The following PCDHB12 variants were observed in gnomAD, a reference collection of about 807,000 sequenced individuals.
PCDHB12 encodes the protein protocadherin beta-12.
For synonymous variants in PCDHB12, 560 were observed against 445.2 expected (o/e 1.26, Z -3.24); for missense variants, 1,192 against 998.2 (o/e 1.19, Z -2.62).
Position 141,210,290 on chromosome 5 carries a change from C to G in PCDHB12, c.1383C>G (p.Arg461=), listed in dbSNP as rs762423655. Residue 461 remains arginine (R), a synonymous_variant, in exon 1 of 1, where the codon CGC becomes CGG. Coordinates refer to ENST00000239450, the MANE Select transcript of PCDHB12 (RefSeq NM_018932.4). ...AAACTTCCTACGCCCTGTTCGTCCG[C>G]GAGAACAACAGCCCCGCCCTGCACA... The part of the protein sequence containing the change: ...FTQTSYALFV[R]ENNSPALHIG... 1.3e-4 allele frequency: 202 copies of G among 1,613,720 alleles called. No homozygotes were observed. Among genetic ancestry groups the G allele is most frequent in the Non-Finnish European group, 1.6e-4 (183 of 1,180,046 alleles).
rs781933112 is a variant in PCDHB12, at chr5:141,211,049, C to T, written c.2142C>T (p.Cys714=). The T allele has an allele frequency of 6.0e-5, 97 of 1,612,912 alleles. No homozygotes were observed. The highest frequency in any genetic ancestry group is 2.9e-4 in the South Asian group (26 of 91,038). ...SVLLFVAVRL[C]RRSRAAPVGR... ...TCCTGTTCGTGGCGGTGCGGCTGTG[C>T]AGGAGGAGCAGGGCGGCCCCGGTCG... The change falls in exon 1 of 1, where the codon TGC becomes TGT. Residue 714 remains cysteine (C), a synonymous_variant. Transcript: ENST00000239450.
At position 141,209,808 on chromosome 5, in the gene PCDHB12, A is replaced by G. The variant is rs1754393516; in HGVS notation, c.901A>G (p.Ile301Val). Residue 301 changes from isoleucine to valine, a missense_variant, in exon 1 of 1, where the codon ATT (isoleucine) becomes GTT (valine). Transcript: ENST00000239450. The part of the protein sequence containing the change: ...TFEINQKSGD[I>V]TLTAPLDFEA... ...TGAAATTAATCAAAAGTCTGGTGAC[A>G]TTACTTTAACAGCACCTTTGGATTT... 6.2e-7 allele frequency: 1 copy of G among 1,614,240 alleles called. No individual in the cohort carries two copies. Among genetic ancestry groups the G allele is most frequent in the Admixed American group, 1.7e-5 (1 of 60,032 alleles).
rs200859015 is a variant in PCDHB12 at position 141,209,444 on chromosome 5, C to A, written c.537C>A (p.His179Gln). The stretch of plus-strand genomic sequence containing the variant: ...CAATAAATCCGAACTCTCATTTCCA[C>A]GTTAAAATAAGAGTCAATCCAGACA... ...SYTINPNSHF[H>Q]VKIRVNPDNR... The change falls in exon 1 of 1, where the codon CAC becomes CAA. Residue 179 changes from histidine to glutamine, a missense_variant. His to Gln is a conservative substitution (Grantham distance 24, BLOSUM62 0). Transcript: ENST00000239450. 3.1e-4 allele frequency: 503 copies of A among 1,614,054 alleles called. No homozygotes were observed. The highest frequency in any genetic ancestry group is 4.1e-4 in the Non-Finnish European group (487 of 1,180,042).
Position 141,210,082 on chromosome 5 carries a change from T to C in PCDHB12, c.1175T>C (p.Val392Ala), listed in dbSNP as rs782080716. 6.2e-7 allele frequency: 1 copy of C among 1,614,146 alleles called. No individual in the cohort carries two copies. The highest frequency in any genetic ancestry group is 1.7e-5 in the Admixed American group (1 of 60,020). ...TCTATCCCGGAGGACATCCCATTCG[T>C]GCTAAAATCTTCGGTAAATAATTAC... The part of the protein sequence containing the change: ...VCSIPEDIPF[V>A]LKSSVNNYYT... Residue 392 changes from valine (V) to alanine (A), a missense_variant, in exon 1 of 1, where the codon GTG becomes GCG. Transcript: ENST00000239450.
rs782450305 is a variant in PCDHB12 at position 141,211,124 on chromosome 5, G to T, written c.2217G>T (p.Val739=). The change falls in exon 1 of 1, where the codon GTG becomes GTT. Residue 739 remains valine (V), a synonymous_variant. Coordinates refer to ENST00000239450, the MANE Select transcript of PCDHB12 (RefSeq NM_018932.4). ...CCTTTCCAGGACATCTGGTGGACGT[G>T]AGTGGCACCGGGACCCTGTCCCAGA... The part of the protein sequence containing the change: ...EGPFPGHLVD[V]SGTGTLSQSY... 1 of 1,614,068 alleles carries T rather than the reference G, an allele frequency of 6.2e-7. No homozygotes were observed. Among genetic ancestry groups the T allele is most frequent in the African/African-American group, 1.3e-5 (1 of 74,934 alleles).
Position 141,211,509 on chromosome 5 carries a change from T to A in PCDHB12, c.*214T>A. 1 of 642,908 alleles carries A rather than the reference T, an allele frequency of 1.6e-6. No individual in the cohort carries two copies. Among genetic ancestry groups the A allele is most frequent in the Non-Finnish European group, 2.8e-6 (1 of 358,130 alleles). The allele number at this position is 642,908 out of a possible 1,614,324, so 39.8% of individuals were successfully genotyped here. On this transcript the variant is annotated 3_prime_UTR_variant, in exon 1 of 1. Coordinates refer to ENST00000239450, the MANE Select transcript of PCDHB12 (RefSeq NM_018932.4). ...TGTGTAATGGTTTATGTCAAACAATTATGCTTAATATAAAGTCTATTAAGT... is the reference window on the plus strand; with the variant it reads ...TGTGTAATGGTTTATGTCAAACAATAATGCTTAATATAAAGTCTATTAAGT...
In PCDHB12 at chr5:141,211,220, C is replaced by T; in HGVS notation, c.2313C>T (p.Ile771=). The T allele has an allele frequency of 4.3e-6, 7 of 1,614,058 alleles. No individual in the cohort carries two copies. Among genetic ancestry groups the T allele is most frequent in the Non-Finnish European group, 5.9e-6 (7 of 1,179,936 alleles). Residue 771 remains isoleucine, a synonymous_variant, in exon 1 of 1, where the codon ATC becomes ATT. Coordinates refer to ENST00000239450, the MANE Select transcript of PCDHB12 (RefSeq NM_018932.4). The part of the protein sequence containing the change: ...SNKFKFLKPI[I]PNFLPQSTGS... ...AGTTCAAATTTCTGAAACCAATTAT[C>T]CCCAACTTCCTACCCCAGAGCACAG...
chr5:141,210,548 G>T lies in PCDHB12; in HGVS notation c.1641G>T (p.Val547=). ...CGGCTTTGAGCAGCGAGGCGCTGGT[G>T]CGCGTGCTGGTGCTGGACGCCAACG... ...GSPALSSEAL[V]RVLVLDANDN... Residue 547 remains valine (V), a synonymous_variant, in exon 1 of 1, where the codon GTG becomes GTT. Transcript: ENST00000239450. 4 of 1,611,730 alleles carry T rather than the reference G, an allele frequency of 2.5e-6. No homozygotes were observed. Among genetic ancestry groups the T allele is most frequent in the Non-Finnish European group, 3.4e-6 (4 of 1,179,726 alleles).
At position 141,210,243 on chromosome 5, in the gene PCDHB12, G is replaced by A; in HGVS notation, c.1336G>A (p.Asp446Asn). Residue 446 changes from aspartate (D) to asparagine (N), a missense_variant, in exon 1 of 1, where the codon GAC becomes AAC. Asp to Asn is a conservative substitution (Grantham distance 23). Coordinates refer to ENST00000239450, the MANE Select transcript of PCDHB12 (RefSeq NM_018932.4). ...NITVLVSDVN[D>N]NAPAFTQTSY... is the part of the protein sequence containing the mutation. Reference sequence around the variant, plus strand: ...AACCGTGCTGGTCTCCGACGTCAATGACAACGCCCCCGCCTTCACCCAAAC... The same window carrying A: ...AACCGTGCTGGTCTCCGACGTCAATAACAACGCCCCCGCCTTCACCCAAAC... 1 of 1,614,176 alleles carries A rather than the reference G, an allele frequency of 6.2e-7. No homozygotes were observed. The highest frequency in any genetic ancestry group is 8.5e-7 in the Non-Finnish European group (1 of 1,180,040).
chr5:141,210,873 G>T lies in PCDHB12; in HGVS notation c.1966G>T (p.Ala656Ser), dbSNP rs782472778. The change falls in exon 1 of 1, where the codon GCC becomes TCC. Residue 656 changes from alanine (A) to serine (S), a missense_variant. Coordinates refer to ENST00000239450, the MANE Select transcript of PCDHB12 (RefSeq NM_018932.4). ...DNGEPPRSAT[A>S]TLHVLLVDGF... ...TGGCGAGCCTCCGCGCTCGGCCACC[G>T]CCACGCTGCACGTGCTCCTGGTGGA... is the stretch of plus-strand genomic sequence containing the variant. The T allele has an allele frequency of 5.0e-6, 8 of 1,605,088 alleles. No homozygotes were observed. The African/African-American group carries it at 1.1e-4, about 21-fold the overall frequency.
rs267600437 is a variant in PCDHB12 at position 141,209,649 on chromosome 5, G to A, written c.742G>A (p.Glu248Lys). ...NSPEFEQAFY[E>K]VKILENSILG... Reference sequence around the variant, plus strand: ...CCCTGAGTTTGAGCAGGCTTTTTATGAGGTGAAGATTCTGGAGAATAGCAT... The same window carrying A: ...CCCTGAGTTTGAGCAGGCTTTTTATAAGGTGAAGATTCTGGAGAATAGCAT... The change falls in exon 1 of 1, where the codon GAG (glutamate) becomes AAG (lysine). Residue 248 changes from glutamate to lysine, a missense_variant. By Grantham distance (56) the Glu-to-Lys change is moderately conservative (BLOSUM62 1). Transcript: ENST00000239450. 1 of 1,614,202 alleles carries A rather than the reference G, an allele frequency of 6.2e-7. No homozygotes were observed. The highest frequency in any genetic ancestry group is 8.5e-7 in the Non-Finnish European group (1 of 1,180,036).
rs17844599 is a variant in PCDHB12, at chr5:141,209,603, T to C, written c.696T>C (p.Val232=). The change falls in exon 1 of 1, where the codon GTT becomes GTC. Residue 232 remains valine (V), a synonymous_variant. Transcript: ENST00000239450. The stretch of plus-strand genomic sequence containing the variant: ...GAACTGCCTTGGTCAGGGTGGTGGT[T>C]GTAGATATTAATGACAACTCCCCTG... ...RSGTALVRVV[V]VDINDNSPEF... 6.2e-7 allele frequency: 1 copy of C among 1,614,076 alleles called. No individual in the cohort carries two copies. The highest frequency in any genetic ancestry group is 1.1e-5 in the South Asian group (1 of 91,076).
In PCDHB12 at chr5:141,212,493, T is replaced by A. The variant is rs1205236678; in HGVS notation, c.*1198T>A. 1.3e-5 allele frequency: 2 copies of A among 152,184 alleles called. No individual in the cohort carries two copies. The highest frequency in any genetic ancestry group is 6.5e-5 in the Admixed American group (1 of 15,290). The allele number at this position is 152,184 out of a possible 1,614,324, so 9.4% of individuals were successfully genotyped here. ...ATATAACCGATTCTTATATTTAAAA[T>A]AGGTAATTTTTGCATAGTTGTGTTC... On this transcript the variant is annotated 3_prime_UTR_variant, in exon 1 of 1. Coordinates refer to ENST00000239450, the MANE Select transcript of PCDHB12 (RefSeq NM_018932.4).
In PCDHB12 at chr5:141,211,499, G is replaced by A; in HGVS notation, c.*204G>A. On this transcript the variant is annotated 3_prime_UTR_variant, in exon 1 of 1. Transcript: ENST00000239450. ...GAAATGTGCATGTGTAATGGTTTATGTCAAACAATTATGCTTAATATAAAG... is the reference window on the plus strand; with the variant it reads ...GAAATGTGCATGTGTAATGGTTTATATCAAACAATTATGCTTAATATAAAG... 1 of 672,676 alleles carries A rather than the reference G, an allele frequency of 1.5e-6. No homozygotes were observed. Among genetic ancestry groups the A allele is most frequent in the East Asian group, 2.8e-5 (1 of 35,444 alleles). 41.7% of individuals were successfully genotyped at this position (672,676 alleles called of 1,614,324 possible).
In PCDHB12 at chr5:141,210,924, C is replaced by T. The variant is rs782442572; in HGVS notation, c.2017C>T (p.Leu673Phe). ...VDGFSQPYLP[L>F]PEAAPAQAQA... ...CGGCTTCTCCCAGCCCTACCTGCCT[C>T]TCCCGGAGGCGGCCCCGGCCCAGGC... The change falls in exon 1 of 1, where the codon CTC becomes TTC. Residue 673 changes from leucine (L) to phenylalanine (F), a missense_variant. Leu to Phe is a conservative substitution (Grantham distance 22, BLOSUM62 0). Transcript: ENST00000239450. 1.9e-6 allele frequency: 3 copies of T among 1,610,842 alleles called. No homozygotes were observed. Among genetic ancestry groups the T allele is most frequent in the East Asian group, 2.2e-5 (1 of 44,864 alleles).
At position 141,210,756 on chromosome 5, in the gene PCDHB12, G is replaced by C. The variant is rs782739306; in HGVS notation, c.1849G>C (p.Val617Leu). The change falls in exon 1 of 1, where the codon GTG becomes CTG. Residue 617 changes from valine to leucine, a missense_variant. By Grantham distance (32) the Val-to-Leu change is conservative. Coordinates refer to ENST00000239450, the MANE Select transcript of PCDHB12 (RefSeq NM_018932.4). The part of the protein sequence containing the change: ...LKATEPGLFG[V>L]WAHNGEVRTA... ...GGCCACGGAGCCCGGGCTATTCGGCGTGTGGGCGCACAATGGCGAGGTGCG... is the reference window on the plus strand; with the variant it reads ...GGCCACGGAGCCCGGGCTATTCGGCCTGTGGGCGCACAATGGCGAGGTGCG... 3.9e-4 allele frequency: 624 copies of C among 1,603,296 alleles called. No individual in the cohort carries two copies. Among genetic ancestry groups the C allele is most frequent in the Middle Eastern group, 1.8e-3 (8 of 4,452 alleles).
At position 141,211,066 on chromosome 5, in the gene PCDHB12, C is replaced by T; in HGVS notation, c.2159C>T (p.Ala720Val). The stretch of plus-strand genomic sequence containing the variant: ...CGGCTGTGCAGGAGGAGCAGGGCGG[C>T]CCCGGTCGGTCGCTGCTCGGTGCCT... ...AVRLCRRSRA[A>V]PVGRCSVPEG... Residue 720 changes from alanine (A) to valine (V), a missense_variant, in exon 1 of 1, where the codon GCC (alanine) becomes GTC (valine). Ala to Val is a moderately conservative substitution (Grantham distance 64, BLOSUM62 0). Coordinates refer to ENST00000239450, the MANE Select transcript of PCDHB12 (RefSeq NM_018932.4). 1 of 1,613,240 alleles carries T rather than the reference C, an allele frequency of 6.2e-7. No homozygotes were observed. Among genetic ancestry groups the T allele is most frequent in the South Asian group, 1.1e-5 (1 of 91,054 alleles).
rs1754471177 is a variant in PCDHB12 at position 141,211,941 on chromosome 5, C to A, written c.*646C>A. The stretch of plus-strand genomic sequence containing the variant: ...TATCACCTGGCAAGTTTCTGCCTAA[C>A]TAAAGAGAAGAAAAGTTTTTATCGT... On this transcript the variant is annotated 3_prime_UTR_variant, in exon 1 of 1. Transcript: ENST00000239450. The A allele has an allele frequency of 6.0e-6, 1 of 167,216 alleles. No homozygotes were observed. The highest frequency in any genetic ancestry group is 1.5e-5 in the Non-Finnish European group (1 of 68,258). The allele number at this position is 167,216 out of a possible 1,614,324, so 10.4% of individuals were successfully genotyped here. A position where few individuals can be genotyped will look rare whatever the true frequency, so the allele number is the denominator to read the frequency against.
chr5:141,211,408 C>A lies in PCDHB12; in HGVS notation c.*113C>A. The A allele has an allele frequency of 9.2e-7, 1 of 1,087,054 alleles. No homozygotes were observed. The allele number at this position is 1,087,054 out of a possible 1,614,324, so 67.3% of individuals were successfully genotyped here. A position where few individuals can be genotyped will look rare whatever the true frequency, so the allele number is the denominator to read the frequency against. ...CACTTCAAATACATACTCTTCAAGT[C>A]AAGAAATAAATTTCTTTACATAGAA... On this transcript the variant is annotated 3_prime_UTR_variant, in exon 1 of 1. Coordinates refer to ENST00000239450, the MANE Select transcript of PCDHB12 (RefSeq NM_018932.4).
Sources: gnomAD v4.1 joint callset for allele counts on GRCh38, gnomAD v4.1.1 for gene constraint, MANE v1.5 for transcripts, NCBI Gene and HGNC (gene_info 2026-07-23, HGNC 2026-07-21) for gene names.